CAMKMT: variants seen among roughly 807,000 people sequenced by gnomAD.
CAMKMT encodes the protein CaM KMT.
CAMKMT carries 53 observed loss-of-function variants against 48.0 expected under a neutral mutation model. That is an observed-to-expected ratio of 1.10 (90% CI 0.89 to 1.39). The LOEUF (loss-of-function observed/expected upper bound fraction) is 1.39. CAMKMT is among the 40% of genes most tolerant of loss of function. The pLI is 0.00. For synonymous variants in CAMKMT, 165 were observed against 152.3 expected (o/e 1.08, Z -0.61); for missense variants, 428 against 402.7 (o/e 1.06, Z -0.54).
chr2:44,706,219 C>T, intron 4 of CAMKMT, 68 bp from the exon 5 acceptor site: 2 of 1,528,464 alleles, frequency 1.3e-6, no homozygotes, highest in South Asian at 2.2e-5. Flanking sequence ...GTTCTTGTAA[C>T]ATATATCTCT....
rs1297205754 is a variant in CAMKMT at position 44,704,317 on chromosome 2, C to G, written c.411C>G (p.Tyr137Ter). Reference protein sequence around the residue: ...IWPSEEVLAYYCLKHNNIFRA... With the variant: ...IWPSEEVLAY ...CATCTGAAGAGGTTTTGGCTTACTA[C>G]TGCCTCAAGCACAATAATATATTCA... The change falls in exon 4 of 11, where the codon TAC becomes TAG. Residue 137 changes from tyrosine to a stop codon, truncating the protein, a stop_gained. Coordinates refer to ENST00000378494, the MANE Select transcript of CAMKMT (RefSeq NM_024766.5). LOFTEE classifies it high-confidence loss of function. 6.2e-7 allele frequency: 1 copy of G among 1,610,252 alleles called. No individual in the cohort carries two copies. The highest frequency in any genetic ancestry group is 1.7e-5 in the Admixed American group (1 of 59,662).
intron 1 of CAMKMT, among the ~76,000 whole-genome samples, chr2:44,364,220 G>C (rs1678353940): frequency 6.6e-6 from 1 of 152,078 alleles, no homozygotes; most frequent in Non-Finnish European, 1.5e-5. Context: ...AATGAAAACA[G>C]TGACAAGTTT....
chr2:44,557,395 G>A (rs1454823179), intron 3 of CAMKMT, among the ~76,000 whole-genome samples: 4 of 152,084 alleles, frequency 2.6e-5, no homozygotes, highest in Non-Finnish European at 2.9e-5. Flanking sequence ...GCTTAAGAAG[G>A]TAGTTAATTT....
intron 3 of CAMKMT, 140 bp from the exon 4 acceptor site, chr2:44,704,143 C>A (rs1573117960): frequency 2.2e-6 from 1 of 460,434 alleles, no homozygotes; most frequent in South Asian, 7.3e-5. Flanking sequence ...TAAAAGACAC[C>A]CGTGACATGA....
intron 2 of CAMKMT, among the ~76,000 whole-genome samples, chr2:44,376,806 C>G (rs1433245134): frequency 6.6e-6 from 1 of 152,082 alleles, no homozygotes; most frequent in African/African-American, 2.4e-5. Context: ...ATAATTTTCC[C>G]TTAGTGACTT....
Position 44,480,581 on chromosome 2 carries a change from T to C in CAMKMT, c.376+90276T>C, listed in dbSNP as rs533945009. The stretch of plus-strand genomic sequence containing the variant: ...ATCCAGAAACTGTATTATGATCGTT[T>C]ACTCAAATTAATATGAAAATCTGAG... On this transcript the variant is annotated intron_variant, in intron 3 of 10. Coordinates refer to ENST00000378494, the MANE Select transcript of CAMKMT (RefSeq NM_024766.5). 1.1e-4 allele frequency among the ~76,000 whole-genome samples: 17 copies of C among 152,348 alleles called. No homozygotes were observed. In the East Asian group the frequency reaches 2.9e-3, roughly 26 times the overall value.
chr2:44,502,143 C>G (rs1670037332), intron 3 of CAMKMT, among the ~76,000 whole-genome samples: 1 of 152,032 alleles, frequency 6.6e-6, no homozygotes, highest in South Asian at 2.1e-4. Context: ...ATTGCTTGAA[C>G]CCAGGAGGCA....
intron 3 of CAMKMT, among the ~76,000 whole-genome samples, chr2:44,599,569 G>A (rs568183416): frequency 1.3e-5 from 2 of 152,056 alleles, no homozygotes; most frequent in Admixed American, 1.3e-4. Context: ...TTTGTCAGAA[G>A]CATTTTTTTA....
intron 3 of CAMKMT, among the ~76,000 whole-genome samples, chr2:44,561,342 C>G (rs937793481): frequency 7.2e-5 from 11 of 152,204 alleles, no homozygotes; most frequent in African/African-American, 2.2e-4. Flanking sequence ...TGTACTTCCA[C>G]AAGACTACCA....
intron 10 of CAMKMT, among the ~76,000 whole-genome samples, chr2:44,770,604 G>A (rs1681063345): frequency 6.6e-6 from 1 of 152,160 alleles, no homozygotes; most frequent in Non-Finnish European, 1.5e-5. Context: ...TCTTCCCTCT[G>A]TAAAATACTT....
chr2:44,445,531 G>A (rs906698910), intron 3 of CAMKMT, among the ~76,000 whole-genome samples: 12 of 151,776 alleles, frequency 7.9e-5, no homozygotes, highest in South Asian at 2.1e-4. Flanking sequence ...TCCATACTAC[G>A]GGACATTCCC....
At chr2:44,500,143 A>G (rs759911834) in intron 3 of CAMKMT, among the ~76,000 whole-genome samples, 1 of 152,196 alleles carries the variant, frequency 6.6e-6, no homozygotes, top group Middle Eastern at 3.2e-3. Context: ...ACCACAGAAT[A>G]TAAGTTCAAA....
At chr2:44,768,353 ATATATATATTTT>A (rs1680935855) in intron 10 of CAMKMT, among the ~76,000 whole-genome samples, 1 of 94,288 alleles carries the variant, frequency 1.1e-5, no homozygotes, top group Non-Finnish European at 2.1e-5. Flanking sequence ...ATATATATAT[ATATATATATTTT>A]TTTTTTTTTT....
chr2:44,599,133 A>G (rs1197512411), intron 3 of CAMKMT, among the ~76,000 whole-genome samples: 1 of 152,150 alleles, frequency 6.6e-6, no homozygotes, highest in Non-Finnish European at 1.5e-5. Context: ...AACATGTAAG[A>G]TGGAATGGGA....
intron 7 of CAMKMT, 40 bp from the exon 8 acceptor site, chr2:44,743,582 A>C: frequency 6.9e-7 from 1 of 1,458,356 alleles, no homozygotes; most frequent in African/African-American, 1.4e-5. Flanking sequence ...AATTTAAAAA[A>C]AACCCTATGT....
At chr2:44,632,389 G>T (rs1310956726) in intron 3 of CAMKMT, among the ~76,000 whole-genome samples, 1 of 151,850 alleles carries the variant, frequency 6.6e-6, no homozygotes, top group African/African-American at 2.4e-5. Flanking sequence ...TTTATTTTTT[G>T]AGGCGTTAGT....
rs343946 is a variant in CAMKMT at position 44,758,757 on chromosome 2, A to G, written c.762+4639A>G. Among the ~76,000 whole-genome samples, 7 of 152,344 alleles carry G rather than the reference A, an allele frequency of 4.6e-5. 1 individual carries two copies. Among genetic ancestry groups the G allele is most frequent in the African/African-American group, 1.7e-4 (7 of 41,574 alleles). On this transcript the variant is annotated intron_variant, in intron 9 of 10. Transcript: ENST00000378494. ...TTCCTTAAAAGTCCATGACAACAGC[A>G]GTGTCCAGTATCAGAGGACCCAAAC... is the stretch of plus-strand genomic sequence containing the variant.
chr2:44,766,400 A>T, intron 9 of CAMKMT, 30 bp from the exon 10 acceptor site: 2 of 1,612,914 alleles, frequency 1.2e-6, no homozygotes, highest in African/African-American at 2.7e-5. Context: ...CCAGTTTTAA[A>T]ATATGTGAAT....
chr2:44,690,781 G>T (rs1676604788), intron 3 of CAMKMT, among the ~76,000 whole-genome samples: 1 of 151,826 alleles, frequency 6.6e-6, no homozygotes, highest in Non-Finnish European at 1.5e-5. Context: ...TTCGAGACCA[G>T]ACTGACTAAC....
Sources: gnomAD v4.1 joint callset for allele counts (sites outside exome capture counted in the v4.1 genomes callset) on GRCh38, gnomAD v4.1.1 for gene constraint, MANE v1.5 for transcripts, NCBI Gene and HGNC (gene_info 2026-07-23, HGNC 2026-07-21) for gene names.